Variants in FRMD4A observed in about 807,000 individuals in gnomAD.
FRMD4A encodes the protein FERM domain containing 4A, also known as FERM domain-containing protein 4A.
In FRMD4A, 29 loss-of-function variants were observed where a neutral mutation model predicts 129.1. That is an observed-to-expected ratio of 0.22 (90% CI 0.17 to 0.31). FRMD4A has a LOEUF of 0.31. Ranked by LOEUF, FRMD4A falls within the 10% of genes least tolerant of loss-of-function variation. FRMD4A has a pLI of 1.00. For missense variants in FRMD4A, 1,272 were observed against 1,375.8 expected (o/e 0.92, Z 1.19); for synonymous variants, 634 against 571.6 (o/e 1.11, Z -1.56).
At position 13,646,036 on chromosome 10, in the gene FRMD4A, T is replaced by TAACA. The variant is rs999804656; in HGVS notation, c.*998_*1001dup. The TAACA allele has an allele frequency of 3.9e-5, 6 of 152,380 alleles. No individual in the cohort carries two copies. The highest frequency in any genetic ancestry group is 1.4e-4 in the African/African-American group (6 of 41,440). The allele number at this position is 152,380 out of a possible 1,614,324, so 9.4% of individuals were successfully genotyped here. ...CTGAACCCCCTGCATGGACCGGGGC[T>TAACA]AACAGTACCCTCTACGACTCCCACA... is the stretch of plus-strand genomic sequence containing the variant. On this transcript the variant is annotated 3_prime_UTR_variant, in exon 25 of 25. Coordinates refer to ENST00000357447, the MANE Select transcript of FRMD4A (RefSeq NM_018027.5).
chr10:13,887,017 A>G (rs1267919960), intron 2 of FRMD4A, among the ~76,000 whole-genome samples: 1 of 152,214 alleles, frequency 6.6e-6, no homozygotes, highest in East Asian at 1.9e-4. Context: ...CACAGACAAC[A>G]CGTTTCTTCT....
chr10:14,262,391 G>C lies in FRMD4A; in HGVS notation c.45+67667C>G, dbSNP rs368793293. 2.0e-5 allele frequency among the ~76,000 whole-genome samples: 3 copies of C among 152,272 alleles called. No homozygotes were observed. The South Asian group carries it at 6.2e-4, about 32-fold the overall frequency. On this transcript the variant is annotated intron_variant, in intron 2 of 24. Transcript: ENST00000357447. ...GGTTATTGTGCATGTTAAAATTCCA[G>C]GGCTTGGCAAAGGGTAAATTCTTGC...
At chr10:14,271,875 G>A (rs531159827) in intron 2 of FRMD4A, among the ~76,000 whole-genome samples, 3 of 152,262 alleles carry the variant, frequency 2.0e-5, no homozygotes, top group East Asian at 1.9e-4. Flanking sequence ...AAACTGAAGC[G>A]TGGCCAATGT....
At chr10:13,789,740 CAT>C (rs71388118) in intron 5 of FRMD4A, among the ~76,000 whole-genome samples, 84,266 of 149,264 alleles carry the variant, frequency 0.56, 24,813 homozygotes, top group Non-Finnish European at 0.66. Flanking sequence ...TGCTCTTGGT[CAT>C]ATATTGACCG....
At chr10:13,963,655 T>C (rs1409075082) in intron 2 of FRMD4A, among the ~76,000 whole-genome samples, 1 of 152,244 alleles carries the variant, frequency 6.6e-6, no homozygotes, top group African/African-American at 2.4e-5. Flanking sequence ...TCAAAATGAT[T>C]ATTCTAGAAG....
At chr10:13,963,912 T>TAAC (rs1276389488) in intron 2 of FRMD4A, among the ~76,000 whole-genome samples, 2 of 152,196 alleles carry the variant, frequency 1.3e-5, no homozygotes, top group Admixed American at 1.3e-4. Context: ...CTCAAATTCC[T>TAAC]AACACATGGA....
intron 2 of FRMD4A, among the ~76,000 whole-genome samples, chr10:14,084,748 C>T (rs947065208): frequency 3.9e-5 from 6 of 152,210 alleles, no homozygotes; most frequent in African/African-American, 1.4e-4. Context: ...CCCCATATAA[C>T]CCAGAGCCCA....
At chr10:14,252,409 A>AC (rs1443032233) in intron 2 of FRMD4A, among the ~76,000 whole-genome samples, 1 of 152,248 alleles carries the variant, frequency 6.6e-6, no homozygotes, top group Non-Finnish European at 1.5e-5. Context: ...ATCATGGGCT[A>AC]CATTTAGATT....
chr10:13,685,704 A>G, intron 15 of FRMD4A: 1 of 895,922 alleles, frequency 1.1e-6, no homozygotes, highest in Non-Finnish European at 1.3e-6. Context: ...CCCAGTCAGG[A>G]GGCTGAGGCA....
In FRMD4A at chr10:14,176,140, T is replaced by A. The variant is rs190123259; in HGVS notation, c.45+153918A>T. ...TAGTTGTAAGGCACCTAGTATGTGC[T>A]GGAAGCTGTTCTTGTTCTGATGATA... is the stretch of plus-strand genomic sequence containing the variant. On this transcript the variant is annotated intron_variant, in intron 2 of 24. Transcript: ENST00000357447. 1.4e-4 allele frequency among the ~76,000 whole-genome samples: 21 copies of A among 152,358 alleles called. No homozygotes were observed. The East Asian group carries it at 3.7e-3, about 27-fold the overall frequency.
At chr10:13,693,366 C>T (rs1005264349) in intron 15 of FRMD4A, 14 of 306,714 alleles carry the variant, frequency 4.6e-5, no homozygotes, top group African/African-American at 1.6e-4. Context: ...CTGGCGGAAG[C>T]GGACGACGGA....
intron 2 of FRMD4A, among the ~76,000 whole-genome samples, chr10:14,270,987 C>T (rs960768752): frequency 9.2e-5 from 14 of 152,226 alleles, no homozygotes; most frequent in South Asian, 2.1e-4. Context: ...AGTGTAACAG[C>T]GGCATCTGCT....
intron 8 of FRMD4A, among the ~76,000 whole-genome samples, chr10:13,755,312 G>A (rs73591094): frequency 0.022 from 3,398 of 152,248 alleles, 131 homozygotes; most frequent in African/African-American, 0.078. Flanking sequence ...AGTAAGTTGA[G>A]TTCAGTTTAT....
chr10:13,678,310 C>G (rs1427019451), intron 15 of FRMD4A, among the ~76,000 whole-genome samples: 1 of 152,184 alleles, frequency 6.6e-6, no homozygotes, highest in African/African-American at 2.4e-5. Flanking sequence ...GGAGTTACTT[C>G]AGGGCGAAGA....
At chr10:13,751,794 T>C (rs953796602) in intron 8 of FRMD4A, among the ~76,000 whole-genome samples, 2 of 152,334 alleles carry the variant, frequency 1.3e-5, no homozygotes, top group African/African-American at 4.8e-5. Flanking sequence ...GAGGACTGCT[T>C]GAGTCCAGGA....
At chr10:13,825,318 G>C (rs770018100) in intron 3 of FRMD4A, among the ~76,000 whole-genome samples, 7 of 152,132 alleles carry the variant, frequency 4.6e-5, no homozygotes, top group Non-Finnish European at 8.8e-5. Flanking sequence ...AAGGTGGGGA[G>C]CGTCAACACT....
rs1031603704 is a variant in FRMD4A at position 13,645,222 on chromosome 10, C to G, written c.*1816G>C. On this transcript the variant is annotated 3_prime_UTR_variant, in exon 25 of 25. Transcript: ENST00000357447. ...TCTTGGATTCCACATACATGAAAAGCGAAGATTTTTCTTTGTTTTTATGCT... is the reference window on the plus strand; with the variant it reads ...TCTTGGATTCCACATACATGAAAAGGGAAGATTTTTCTTTGTTTTTATGCT... The G allele has an allele frequency of 6.6e-6, 1 of 152,104 alleles. No homozygotes were observed. The highest frequency in any genetic ancestry group is 1.5e-5 in the Non-Finnish European group (1 of 68,024). The allele number at this position is 152,104 out of a possible 1,614,324, so 9.4% of individuals were successfully genotyped here.
intron 13 of FRMD4A, among the ~76,000 whole-genome samples, chr10:13,701,805 C>T (rs1172783053): frequency 1.3e-5 from 2 of 152,200 alleles, no homozygotes; most frequent in Non-Finnish European, 2.9e-5. Flanking sequence ...TGGGCCAAGA[C>T]AAACTTCGCA....
chr10:14,073,710 A>G (rs1267984668), intron 2 of FRMD4A, among the ~76,000 whole-genome samples: 1 of 152,160 alleles, frequency 6.6e-6, no homozygotes, highest in Non-Finnish European at 1.5e-5. Context: ...GTTTTTCACC[A>G]CCACCGGGAT....
Sources: allele counts gnomAD v4.1 joint callset (sites outside exome capture counted in the v4.1 genomes callset), GRCh38; gene constraint gnomAD v4.1.1; transcripts MANE v1.5; gene names NCBI Gene and HGNC (gene_info 2026-07-23, HGNC 2026-07-21).